NCF2: variants seen among roughly 807,000 people sequenced by gnomAD.
The protein encoded by NCF2 is neutrophil cytosol factor 2.
NCF2 carries 45 observed loss-of-function variants against 70.9 expected under a neutral mutation model. The ratio of observed to expected loss-of-function variants is 0.63; its 90% confidence interval spans 0.50 to 0.81. The LOEUF is 0.81. NCF2 is among the 40% of genes least tolerant of loss of function. NCF2 has a pLI of 0.00. For synonymous variants in NCF2, 203 were observed against 233.6 expected, an observed-to-expected ratio of 0.87 and a Z score of 1.19; for missense variants, 522 against 631.6, an observed-to-expected ratio of 0.83 and a Z score of 1.86.
chr1:183,563,751 T>A, intron 11 of NCF2, 166 bp from the exon 12 acceptor site: 1 of 887,232 alleles, frequency 1.1e-6, no homozygotes, highest in Non-Finnish European at 1.8e-6. Flanking sequence ...CAGAGGTCCT[T>A]TAGCCCAACC....
Position 183,567,239 on chromosome 1 carries a change from T to G in NCF2, c.820A>C (p.Asn274His). The G allele has an allele frequency of 6.2e-7, 1 of 1,614,124 alleles. No individual in the cohort carries two copies. The highest frequency in any genetic ancestry group is 8.5e-7 in the Non-Finnish European group (1 of 1,180,018). ...GNIVFVLKKG[N>H]DNWATVMFNG... ...AACATGACCGTGGCCCAGTTATCATTGCCCTTCTTCAAGACAAAGACAATG... is the reference window on the plus strand; with the variant it reads ...AACATGACCGTGGCCCAGTTATCATGGCCCTTCTTCAAGACAAAGACAATG... The change falls in exon 8 of 15, where the codon AAT becomes CAT. Residue 274 changes from asparagine (N) to histidine (H), a missense_variant. Asn to His is a moderately conservative substitution (Grantham distance 68). Coordinates refer to ENST00000367535, the MANE Select transcript of NCF2 (RefSeq NM_000433.4).
chr1:183,581,793 G>A (rs1201571525), intron 2 of NCF2, among the ~76,000 whole-genome samples: 22 of 151,632 alleles, frequency 1.5e-4, no homozygotes, highest in African/African-American at 5.1e-4. Flanking sequence ...TCAGCCTCCC[G>A]AGTAGCTGGG....
In NCF2 at chr1:183,560,083, G is replaced by A; in HGVS notation, c.1468+13C>T. On this transcript the variant is annotated intron_variant, in intron 14 of 14. Coordinates refer to ENST00000367535, the MANE Select transcript of NCF2 (RefSeq NM_000433.4). ...ATGTAAATTTGTTTCTATAGTCTTG[G>A]AGTAGCACTTACCCTTTGATAACAC... 1 of 1,613,248 alleles carries A rather than the reference G, an allele frequency of 6.2e-7. No individual in the cohort carries two copies. Among genetic ancestry groups the A allele is most frequent in the Non-Finnish European group, 8.5e-7 (1 of 1,179,286 alleles).
rs1379367905 is a variant in NCF2, at chr1:183,590,286, A to G, written c.44T>C (p.Leu15Pro). Residue 15 changes from leucine (L) to proline (P), a missense_variant, in exon 1 of 15, where the codon CTG becomes CCG. Physicochemically the swap from Leu to Pro is moderately conservative, Grantham distance 98. Coordinates refer to ENST00000367535, the MANE Select transcript of NCF2 (RefSeq NM_000433.4). The part of the protein sequence containing the change: ...EAISLWNEGV[L>P]AADKKDWKGA... ...CTTCCAGTCCTTCTTGTCCGCTGCC[A>G]GCACCCCTTCATTCCAGAGGCTGAT... 3 of 1,614,158 alleles carry G rather than the reference A, an allele frequency of 1.9e-6. No individual in the cohort carries two copies. Among genetic ancestry groups the G allele is most frequent in the Non-Finnish European group, 2.5e-6 (3 of 1,180,024 alleles).
upstream of NCF2, among the ~76,000 whole-genome samples, chr1:183,595,536 G>T (rs1673749417): frequency 6.6e-6 from 1 of 152,214 alleles, no homozygotes; most frequent in African/African-American, 2.4e-5. Context: ...ACAAGGCTGA[G>T]ATCGAGGTGT....
chr1:183,589,171 C>T (rs1673521040), intron 1 of NCF2, among the ~76,000 whole-genome samples: 1 of 152,184 alleles, frequency 6.6e-6, no homozygotes, highest in African/African-American at 2.4e-5. Flanking sequence ...GCTTGTTTAC[C>T]TACTGTTGGA....
chr1:183,592,401 G>A (rs1239950936), upstream of NCF2, among the ~76,000 whole-genome samples: 3 of 152,186 alleles, frequency 2.0e-5, no homozygotes, highest in Non-Finnish European at 4.4e-5. Flanking sequence ...GGTAGTAGGA[G>A]AATTTTCCTC....
chr1:183,558,978 AGGGCTTTTATGAT>A (rs1397312853), intron 14 of NCF2, among the ~76,000 whole-genome samples: 1 of 152,230 alleles, frequency 6.6e-6, no homozygotes, highest in African/African-American at 2.4e-5. Flanking sequence ...GCGTATGAGC[AGGGCTTTTATGAT>A]GGGACTTTTT....
chr1:183,556,831 A>G (rs966814533), intron 14 of NCF2, among the ~76,000 whole-genome samples: 1 of 152,138 alleles, frequency 6.6e-6, no homozygotes, highest in East Asian at 1.9e-4. Flanking sequence ...GCCTGGCCCA[A>G]TTTTTTAAGA....
chr1:183,565,774 T>A lies in NCF2; in HGVS notation c.930A>T (p.Glu310Asp), dbSNP rs1672274225. 2 of 1,613,574 alleles carry A rather than the reference T, an allele frequency of 1.2e-6. No individual in the cohort carries two copies. Among genetic ancestry groups the A allele is most frequent in the South Asian group, 2.2e-5 (2 of 91,060 alleles). ...RIHPQQQPQE[E>D]SSPQSDIPAP... is the part of the protein sequence containing the mutation. ...CTGGGATGTCGGACTGCGGAGAGCT[T>A]TCCTCCTGAAGGCAACAGGGAGCGA... The change falls in exon 10 of 15, where the codon GAA becomes GAT. Residue 310 changes from glutamate to aspartate, a missense_variant. Transcript: ENST00000367535.
At chr1:183,599,482 C>CTTTCTTTCT in the NCF2 span, among the ~76,000 whole-genome samples, 49 of 73,032 alleles carry the variant, frequency 6.7e-4, no homozygotes, top group Non-Finnish European at 1.2e-3. Context: ...TTCTTTCTTT[C>CTTTCTTTCT]TCTTTTCTTT....
At chr1:183,561,285 T>C (rs1353588301) in intron 13 of NCF2, among the ~76,000 whole-genome samples, 1 of 152,228 alleles carries the variant, frequency 6.6e-6, no homozygotes, top group African/African-American at 2.4e-5. Context: ...AGCTTCTTAA[T>C]GTTGTTTGTT....
At chr1:183,586,779 G>C in intron 2 of NCF2, 116 bp downstream of exon 2, 2 of 947,948 alleles carry the variant, frequency 2.1e-6, no homozygotes, top group Non-Finnish European at 3.4e-6. Context: ...AGAAGGGCCA[G>C]TCACATTTCC....
chr1:183,586,744 G>T, intron 2 of NCF2, 151 bp downstream of exon 2: 1 of 731,976 alleles, frequency 1.4e-6, no homozygotes, highest in Non-Finnish European at 2.4e-6. Flanking sequence ...TGCCTCACCT[G>T]CTGATTTATT....
rs1672853724 is a variant in NCF2 at position 183,577,603 on chromosome 1, C to T, written c.362G>A (p.Cys121Tyr). The change falls in exon 3 of 15, where the codon TGT (cysteine) becomes TAT (tyrosine). Residue 121 changes from cysteine to tyrosine, a missense_variant. By Grantham distance (194) the Cys-to-Tyr change is radical (BLOSUM62 -2). Transcript: ENST00000367535. ...ILGLQFKLFA[C>Y]EVLYNIAFMY... ...GCCAGGCCCTGTTCTCCTTACCTCA[C>T]AGGCAAACAGCTTGAACTGGAGCCC... is the stretch of plus-strand genomic sequence containing the variant. 1 of 1,610,054 alleles carries T rather than the reference C, an allele frequency of 6.2e-7. No individual in the cohort carries two copies. The highest frequency in any genetic ancestry group is 8.5e-7 in the Non-Finnish European group (1 of 1,176,268).
intron 9 of NCF2, 111 bp from the exon 10 acceptor site, chr1:183,565,890 T>A: frequency 1.9e-6 from 2 of 1,057,348 alleles, no homozygotes; most frequent in Middle Eastern, 2.1e-4. Context: ...CACATGCAGA[T>A]AACGTCCTAA....
rs773499891 is a variant in NCF2, at chr1:183,564,036, T to G, written c.1001-6A>C. The G allele has an allele frequency of 5.7e-5, 92 of 1,610,258 alleles. 1 individual carries two copies. The highest frequency in any genetic ancestry group is 2.4e-4 in the South Asian group (22 of 91,016). ...CTCTTCTTTTTGTTTCTGGCCTGAATGGAAAAAGTAGGGAGTAAAACAAAA... is the reference window on the plus strand; with the variant it reads ...CTCTTCTTTTTGTTTCTGGCCTGAAGGGAAAAAGTAGGGAGTAAAACAAAA... On this transcript the variant is annotated splice_region_variant and splice_polypyrimidine_tract_variant and intron_variant, in intron 10 of 14. Coordinates refer to ENST00000367535, the MANE Select transcript of NCF2 (RefSeq NM_000433.4).
rs376681445 is a variant in NCF2 at position 183,555,571 on chromosome 1, AAAAC to A, written c.*543_*546del. ...AAGCAACAAGACATAATGAAAAAAG[AAAAC>A]AAACAAGTTTATTTGTATATGCCTT... On this transcript the variant is annotated 3_prime_UTR_variant, in exon 15 of 15. Coordinates refer to ENST00000367535, the MANE Select transcript of NCF2 (RefSeq NM_000433.4). 481 of 156,480 alleles carry A rather than the reference AAAAC, an allele frequency of 3.1e-3. 3 individuals are homozygous for A. Among genetic ancestry groups the A allele is most frequent in the East Asian group, 0.018 (97 of 5,428 alleles). The allele number at this position is 156,480 out of a possible 1,614,324, so 9.7% of individuals were successfully genotyped here.
chr1:183,592,933 C>A (rs1234850166), upstream of NCF2, among the ~76,000 whole-genome samples: 1 of 152,160 alleles, frequency 6.6e-6, no homozygotes, highest in Non-Finnish European at 1.5e-5. Context: ...TGCCCTCTCC[C>A]ATGTCTGCAC....
Sources: allele counts gnomAD v4.1 joint callset (sites outside exome capture counted in the v4.1 genomes callset), GRCh38; gene constraint gnomAD v4.1.1; transcripts MANE v1.5; gene names NCBI Gene and HGNC (gene_info 2026-07-23, HGNC 2026-07-21).